Variants in TPP2 observed in about 807,000 individuals in gnomAD.
The protein encoded by TPP2 is tripeptidyl peptidase 2.
A neutral mutation model predicts 155.9 loss-of-function variants in TPP2; 34 were observed. The ratio of observed to expected loss-of-function variants is 0.22; its 90% CI spans 0.17 to 0.29. The LOEUF is 0.29. Among genes scored for constraint, TPP2 ranks in the 10% least tolerant of loss-of-function variants. The pLI, the probability that TPP2 is intolerant of heterozygous loss-of-function variation, is 1.00. For missense variants in TPP2, 1,028 were observed against 1,522.3 expected, an observed-to-expected ratio of 0.68 and a Z score of 5.40; for synonymous variants, 510 against 529.4, an observed-to-expected ratio of 0.96 and a Z score of 0.50.
chr13:102,632,815 G>T (rs1882108565), intron 10 of TPP2, among the ~76,000 whole-genome samples: 1 of 152,160 alleles, frequency 6.6e-6, no homozygotes, highest in African/African-American at 2.4e-5. Context: ...ATTCTTCCAT[G>T]AATTAGTGGG....
chr13:102,651,263 G>GTCC, intron 23 of TPP2, 96 bp from the exon 24 acceptor site: 1 of 1,404,164 alleles, frequency 7.1e-7, no homozygotes, highest in African/African-American at 1.4e-5. Context: ...TGTAACACAG[G>GTCC]TGGAACATAA....
chr13:102,629,949 C>A lies in TPP2; in HGVS notation c.1145-147C>A, dbSNP rs660811. The A allele has an allele frequency of 4.5e-4, 300 of 668,526 alleles. 1 individual carries two copies. In the African/African-American group the frequency reaches 5.2e-3, roughly 11 times the overall value. 41.4% of individuals were successfully genotyped at this position (668,526 alleles called of 1,614,324 possible). ...AATGTATGGTACATAGTAGACTTTC[C>A]TTGTTTCCTTATTAAATTTTATTCT... On this transcript the variant is annotated intron_variant, in intron 9 of 29. Transcript: ENST00000376052.
chr13:102,647,363 T>C lies in TPP2; in HGVS notation c.2628+19T>C. 2 of 1,603,238 alleles carry C rather than the reference T, an allele frequency of 1.2e-6. No homozygotes were observed. Among genetic ancestry groups the C allele is most frequent in the South Asian group, 1.1e-5 (1 of 88,628 alleles). ...ACATCAGGTATAAAATTGATGGTGA[T>C]TTTTAGAATTAACGGAAGCTGTTTC... On this transcript the variant is annotated intron_variant, in intron 21 of 29. Coordinates refer to ENST00000376052, the MANE Select transcript of TPP2 (RefSeq NM_001330588.2).
intron 24 of TPP2, among the ~76,000 whole-genome samples, chr13:102,651,926 A>T (rs1883517013): frequency 6.6e-6 from 1 of 152,224 alleles, no homozygotes; most frequent in African/African-American, 2.4e-5. Context: ...GAACAGAAAT[A>T]AGGACTGTTC....
intron 1 of TPP2, among the ~76,000 whole-genome samples, chr13:102,597,708 C>T (rs549302531): frequency 6.6e-6 from 1 of 152,360 alleles, no homozygotes. Context: ...AGGCAACTGA[C>T]ATGTGAGAAC....
chr13:102,673,041 C>T (rs909182543), intron 27 of TPP2, among the ~76,000 whole-genome samples: 1 of 152,182 alleles, frequency 6.6e-6, no homozygotes, highest in Non-Finnish European at 1.5e-5. Flanking sequence ...CACATTGCCT[C>T]CCTGCCCACT....
At chr13:102,657,889 A>G (rs1358078127) in intron 25 of TPP2, among the ~76,000 whole-genome samples, 1 of 152,204 alleles carries the variant, frequency 6.6e-6, no homozygotes, top group Non-Finnish European at 1.5e-5. Flanking sequence ...TACACAATGC[A>G]AAAACCAGCC....
chr13:102,604,134 A>G (rs148268924), intron 1 of TPP2, among the ~76,000 whole-genome samples: 1 of 152,110 alleles, frequency 6.6e-6, no homozygotes, highest in East Asian at 1.9e-4. Flanking sequence ...TTAAGCTTGA[A>G]CTTTGTTGCG....
At chr13:102,656,664 C>T (rs1433480520) in intron 24 of TPP2, among the ~76,000 whole-genome samples, 1 of 152,250 alleles carries the variant, frequency 6.6e-6, no homozygotes, top group Middle Eastern at 3.4e-3. Flanking sequence ...AAGGCATAAG[C>T]GTCCCCTTAA....
At chr13:102,629,369 AG>A in intron 8 of TPP2, 112 bp from the exon 9 acceptor site, 1 of 1,223,628 alleles carries the variant, frequency 8.2e-7, no homozygotes, top group Non-Finnish European at 1.1e-6. Flanking sequence ...TGTTCCACCA[AG>A]GGTGGATGTA....
intron 1 of TPP2, among the ~76,000 whole-genome samples, chr13:102,601,088 C>T (rs909381823): frequency 2.0e-5 from 3 of 152,134 alleles, no homozygotes; most frequent in Non-Finnish European, 4.4e-5. Context: ...GACAGGGTCT[C>T]ACTGTGTTAC....
intron 2 of TPP2, chr13:102,607,603 T>G: frequency 2.4e-6 from 1 of 425,232 alleles, no homozygotes; most frequent in Non-Finnish European, 4.7e-6. Flanking sequence ...TATATTAATT[T>G]TGAGATGGAG....
At chr13:102,601,150 C>T (rs1879402762) in intron 1 of TPP2, among the ~76,000 whole-genome samples, 1 of 152,168 alleles carries the variant, frequency 6.6e-6, no homozygotes, top group South Asian at 2.1e-4. Context: ...CATCATCTCT[C>T]TACTTACTTT....
At chr13:102,647,457 C>A in intron 21 of TPP2, 113 bp downstream of exon 21, 1 of 1,350,200 alleles carries the variant, frequency 7.4e-7, no homozygotes. Flanking sequence ...AAAATTATAG[C>A]TTTGTGTTTA....
chr13:102,640,972 C>G (rs1882729824), intron 16 of TPP2, among the ~76,000 whole-genome samples: 1 of 152,096 alleles, frequency 6.6e-6, no homozygotes, highest in Admixed American at 6.6e-5. Flanking sequence ...TACTACAAAT[C>G]AGTTTAAACA....
Position 102,678,431 on chromosome 13 carries a change from A to T in TPP2, c.*115A>T. 1.3e-6 allele frequency: 1 copy of T among 768,950 alleles called. No individual in the cohort carries two copies. Among genetic ancestry groups the T allele is most frequent in the Non-Finnish European group, 2.1e-6 (1 of 481,800 alleles). The allele number at this position is 768,950 out of a possible 1,614,324, so 47.6% of individuals were successfully genotyped here. A position where few individuals can be genotyped will look rare whatever the true frequency, so the allele number is the denominator to read the frequency against. ...TGTTTTCATCCACTATCCAGTACTG[A>T]TTATTAAAATGACATGTATTTATCA... On this transcript the variant is annotated 3_prime_UTR_variant, in exon 30 of 30. Transcript: ENST00000376052.
chr13:102,629,845 C>T (rs140736470), intron 9 of TPP2, among the ~76,000 whole-genome samples: 8 of 152,276 alleles, frequency 5.3e-5, no homozygotes, highest in African/African-American at 1.9e-4. Context: ...GGTGCATTAG[C>T]ATATTTAGTC....
rs1482037721 is a variant in TPP2, at chr13:102,649,459, G to C, written c.2925G>C (p.Leu975Phe). ...PGCYLAGSLT[L>F]SKTELGKKAG... ...GCTATCTTGCAGGATCCTTAACATT[G>C]TCAAAGACTGAACTAGGAAAGAAAG... is the stretch of plus-strand genomic sequence containing the variant. Residue 975 changes from leucine to phenylalanine, a missense_variant, in exon 23 of 30, where the codon TTG becomes TTC. Leu to Phe is a conservative substitution (Grantham distance 22, BLOSUM62 0). Around this residue, in one of 7 missense-constraint regions of TPP2, gnomAD observed 179 missense variants for 274.7 expected, o/e 0.65. Transcript: ENST00000376052. 6.2e-7 allele frequency: 1 copy of C among 1,612,384 alleles called. No homozygotes were observed. Among genetic ancestry groups the C allele is most frequent in the Admixed American group, 1.7e-5 (1 of 59,864 alleles).
Position 102,676,385 on chromosome 13 carries a change from A to T in TPP2, c.3669A>T (p.Pro1223=), listed in dbSNP as rs1885283157. 3.7e-6 allele frequency: 6 copies of T among 1,611,114 alleles called. No homozygotes were observed. Among genetic ancestry groups the T allele is most frequent in the Non-Finnish European group, 5.1e-6 (6 of 1,177,992 alleles). The change falls in exon 29 of 30, where the codon CCA becomes CCT. Residue 1223 remains proline, a synonymous_variant. Transcript: ENST00000376052. ...KFATKLVEEK[P]TKENWKNCIQ... is the part of the protein sequence containing the mutation. ...CAACTAAACTTGTGGAAGAAAAACC[A>T]ACAAAAGAAAACTGGAAAAATTGTA...
Sources: allele counts gnomAD v4.1 joint callset (sites outside exome capture counted in the v4.1 genomes callset), GRCh38; gene constraint gnomAD v4.1.1; regional missense constraint gnomAD v4.1.1; transcripts MANE v1.5; gene names NCBI Gene and HGNC (gene_info 2026-07-23, HGNC 2026-07-21).